The following GPR39 variants were observed in gnomAD, a reference collection of about 807,000 sequenced individuals.
The protein encoded by GPR39 is zinc sensing receptor.
A neutral mutation model predicts 18.4 loss-of-function variants in GPR39; 23 were observed. The observed-to-expected ratio is 1.25, with a 90% CI of 0.90 to 1.77. The LOEUF is 1.77. Among genes scored for constraint, GPR39 ranks in the 40% most tolerant of loss-of-function variants. The probability of loss-of-function intolerance (pLI) is 0.00; values close to 1 mark genes in which losing one functional copy is unlikely to be tolerated. For synonymous variants in GPR39, 280 were observed against 257.9 expected (o/e 1.09, Z -0.82); for missense variants, 647 against 602.4 (o/e 1.07, Z -0.78).
intron 1 of GPR39, among the ~76,000 whole-genome samples, chr2:132,551,545 A>G (rs1680044379): frequency 1.3e-5 from 2 of 152,184 alleles, no homozygotes; most frequent in African/African-American, 4.8e-5. Context: ...AGCTTGATGC[A>G]AGGATGGGCA....
At chr2:132,533,062 G>A (rs1679671478) in intron 1 of GPR39, among the ~76,000 whole-genome samples, 1 of 152,126 alleles carries the variant, frequency 6.6e-6, no homozygotes, top group South Asian at 2.1e-4. Context: ...AATTGTCCCT[G>A]TTTGCAGATG....
intron 1 of GPR39, among the ~76,000 whole-genome samples, chr2:132,515,834 C>G (rs1219750762): frequency 6.6e-6 from 1 of 152,152 alleles, no homozygotes; most frequent in Non-Finnish European, 1.5e-5. Context: ...CTAAGTTCCT[C>G]CCTGTTTATT....
rs573231508 is a variant in GPR39, at chr2:132,437,939, T to A, written c.856+20041T>A. ...GGCTGCACCTGCAGCCTGAGTGATA[T>A]TATCCTGGCTAGTGAAACTGTTTGG... On this transcript the variant is annotated intron_variant, in intron 1 of 1. Transcript: ENST00000329321. Among the ~76,000 whole-genome samples, 8 of 152,296 alleles carry A rather than the reference T, an allele frequency of 5.3e-5. No individual in the cohort carries two copies. The East Asian group carries it at 1.5e-3, about 29-fold the overall frequency.
At chr2:132,501,529 C>A (rs540122023) in intron 1 of GPR39, among the ~76,000 whole-genome samples, 1 of 152,146 alleles carries the variant, frequency 6.6e-6, no homozygotes, top group Admixed American at 6.5e-5. Context: ...GTTCCATGTG[C>A]TAATGAATAG....
intron 1 of GPR39, among the ~76,000 whole-genome samples, chr2:132,539,660 G>A (rs1679827028): frequency 6.6e-6 from 1 of 152,138 alleles, no homozygotes; most frequent in African/African-American, 2.4e-5. Context: ...AGGAATTTGG[G>A]GAGTGCTTGC....
At chr2:132,460,982 C>A (rs980582919) in intron 1 of GPR39, among the ~76,000 whole-genome samples, 10 of 152,066 alleles carry the variant, frequency 6.6e-5, no homozygotes, top group African/African-American at 2.4e-4. Context: ...AGGGAGTGGA[C>A]TGAGAAGGAT....
At chr2:132,514,149 G>A (rs931909832) in intron 1 of GPR39, among the ~76,000 whole-genome samples, 1 of 152,138 alleles carries the variant, frequency 6.6e-6, no homozygotes, top group African/African-American at 2.4e-5. Flanking sequence ...ATCTGTGACT[G>A]TTAAGGCAGC....
intron 1 of GPR39, among the ~76,000 whole-genome samples, chr2:132,470,730 T>A (rs1573617963): frequency 1.1e-5 from 1 of 88,330 alleles, no homozygotes; most frequent in Admixed American, 1.5e-4. Flanking sequence ...TATCCCAGCC[T>A]GGGCAGGGGA....
intron 1 of GPR39, among the ~76,000 whole-genome samples, chr2:132,638,625 G>T (rs899317869): frequency 6.6e-6 from 1 of 152,246 alleles, no homozygotes; most frequent in Non-Finnish European, 1.5e-5. Context: ...GACAAGGTCA[G>T]TGAGTGAGAT....
Position 132,645,419 on chromosome 2 carries a change from T to C in GPR39, c.1175T>C (p.Leu392Ser). ...AGCGCCCGCTTTGTGCAGCGCCCGT[T>C]GCTCTTCGCGTCCCGGCGCCAGTCC... ...TDSARFVQRP[L>S]LFASRRQSSA... Residue 392 changes from leucine to serine, a missense_variant, in exon 2 of 2, where the codon TTG becomes TCG. By Grantham distance (145) the Leu-to-Ser change is moderately radical (BLOSUM62 -2). This residue lies in a region of GPR39 where 581 missense variants were observed against 506.8 expected (regional missense o/e 1.15). Coordinates refer to ENST00000329321, the MANE Select transcript of GPR39 (RefSeq NM_001508.3). 1 of 1,613,626 alleles carries C rather than the reference T, an allele frequency of 6.2e-7. No individual in the cohort carries two copies. Among genetic ancestry groups the C allele is most frequent in the Middle Eastern group, 1.6e-4 (1 of 6,062 alleles).
At position 132,601,940 on chromosome 2, in the gene GPR39, A is replaced by G. The variant is rs376136604; in HGVS notation, c.857-43161A>G. Among the ~76,000 whole-genome samples, 13 of 152,244 alleles carry G rather than the reference A, an allele frequency of 8.5e-5. No homozygotes were observed. The East Asian group carries it at 2.1e-3, about 25-fold the overall frequency. ...AAAATTGGAAAGATAACCCATGCTC[A>G]TGGATTAAAAGAATATTGTTAAAAT... On this transcript the variant is annotated intron_variant, in intron 1 of 1. Coordinates refer to ENST00000329321, the MANE Select transcript of GPR39 (RefSeq NM_001508.3).
At chr2:132,441,861 G>A (rs929518039) in intron 1 of GPR39, among the ~76,000 whole-genome samples, 3 of 152,182 alleles carry the variant, frequency 2.0e-5, no homozygotes, top group Non-Finnish European at 4.4e-5. Context: ...CGCTCTTCAC[G>A]CAGAGGGGAG....
Position 132,579,112 on chromosome 2 carries a change from T to C in GPR39, c.857-65989T>C, listed in dbSNP as rs1680580454. On this transcript the variant is annotated intron_variant, in intron 1 of 1. Coordinates refer to ENST00000329321, the MANE Select transcript of GPR39 (RefSeq NM_001508.3). ...CATATGCTTTCAGTACTATAAGTTT[T>C]TCCTTCTCAGTACTCTTTAGCTGTG... is the stretch of plus-strand genomic sequence containing the variant. Among the ~76,000 whole-genome samples the C allele has an allele frequency of 2.6e-5, 4 of 151,890 alleles. 1 individual carries two copies. The South Asian group carries it at 8.3e-4, about 32-fold the overall frequency.
chr2:132,564,319 G>A (rs1573669849), intron 1 of GPR39, among the ~76,000 whole-genome samples: 1 of 152,118 alleles, frequency 6.6e-6, no homozygotes, highest in South Asian at 2.1e-4. Context: ...CTGTGGCCTT[G>A]GATGAGTGGC....
At chr2:132,637,836 C>T (rs773289109) in intron 1 of GPR39, among the ~76,000 whole-genome samples, 1 of 152,182 alleles carries the variant, frequency 6.6e-6, no homozygotes, top group South Asian at 2.1e-4. Context: ...AGATTGCCCT[C>T]TCTGCCACCT....
intron 1 of GPR39, among the ~76,000 whole-genome samples, chr2:132,438,581 T>C (rs1680375720): frequency 6.7e-6 from 1 of 148,998 alleles, no homozygotes; most frequent in Admixed American, 6.6e-5. Flanking sequence ...AGCTTTTTTT[T>C]TTTTTTTTTT....
chr2:132,519,087 A>G (rs1356745519), intron 1 of GPR39, among the ~76,000 whole-genome samples: 1 of 152,234 alleles, frequency 6.6e-6, no homozygotes, highest in Non-Finnish European at 1.5e-5. Context: ...ACCTATAAGC[A>G]GGAGAAGATA....
intron 1 of GPR39, among the ~76,000 whole-genome samples, chr2:132,473,660 G>A (rs1489636325): frequency 3.3e-5 from 5 of 152,152 alleles, no homozygotes; most frequent in Admixed American, 6.5e-5. Flanking sequence ...TTATCAGTTA[G>A]CATTGCGACT....
In GPR39 at chr2:132,542,660, G is replaced by A. The variant is rs570922323; in HGVS notation, c.857-102441G>A. On this transcript the variant is annotated intron_variant, in intron 1 of 1. Coordinates refer to ENST00000329321, the MANE Select transcript of GPR39 (RefSeq NM_001508.3). Reference sequence around the variant, plus strand: ...AGTGCTGCACAGAGGCTAGCCTGGTGTCCTTTCCTTCACATCCTGCGTAGC... The same window carrying A: ...AGTGCTGCACAGAGGCTAGCCTGGTATCCTTTCCTTCACATCCTGCGTAGC... Among the ~76,000 whole-genome samples, 10 of 151,502 alleles carry A rather than the reference G, an allele frequency of 6.6e-5. No individual in the cohort carries two copies. The South Asian group carries it at 1.5e-3, about 22-fold the overall frequency.
Sources: gnomAD v4.1 joint callset for allele counts (sites outside exome capture counted in the v4.1 genomes callset) on GRCh38, gnomAD v4.1.1 for gene constraint, gnomAD v4.1.1 regional missense constraint, MANE v1.5 for transcripts, NCBI Gene and HGNC (gene_info 2026-07-23, HGNC 2026-07-21) for gene names.